FHIT: variants seen among roughly 807,000 people sequenced by gnomAD.
FHIT encodes the protein bis(5'-adenosyl)-triphosphatase.
In FHIT, 19 loss-of-function variants were observed where a neutral mutation model predicts 17.9. The observed-to-expected ratio is 1.06, with a 90% CI of 0.74 to 1.56. The LOEUF (loss-of-function observed/expected upper bound fraction) is 1.56. FHIT is among the 40% of genes most tolerant of loss of function. The pLI, the probability that FHIT is intolerant of heterozygous loss-of-function variation, is 0.00. For synonymous variants in FHIT, 81 were observed against 69.7 expected (o/e 1.16, Z -0.81); for missense variants, 248 against 189.2 (o/e 1.31, Z -1.82).
At chr3:60,085,099 G>C (rs1703441745) in intron 5 of FHIT, among the ~76,000 whole-genome samples, 2 of 152,150 alleles carry the variant, frequency 1.3e-5, no homozygotes, top group East Asian at 3.8e-4. Context: ...TTAGGCAAGT[G>C]ATCCTAGCTG....
At chr3:60,835,001 A>G (rs1050092468) in intron 3 of FHIT, among the ~76,000 whole-genome samples, 1 of 152,046 alleles carries the variant, frequency 6.6e-6, no homozygotes, top group Non-Finnish European at 1.5e-5. Flanking sequence ...TGTGAAATCT[A>G]AGAACTCTTT....
intron 8 of FHIT, among the ~76,000 whole-genome samples, chr3:59,797,309 C>A (rs1450829385): frequency 6.6e-6 from 1 of 151,864 alleles, no homozygotes; most frequent in Non-Finnish European, 1.5e-5. Context: ...GCCTCAGCTT[C>A]CCAAATAGCT....
At chr3:59,807,133 G>GAT (rs1700235341) in intron 8 of FHIT, among the ~76,000 whole-genome samples, 1 of 152,162 alleles carries the variant, frequency 6.6e-6, no homozygotes, top group Non-Finnish European at 1.5e-5. Context: ...CAAAATAAGA[G>GAT]ATATATACAT....
chr3:61,136,968 G>C (rs1490663574), intron 2 of FHIT, among the ~76,000 whole-genome samples: 1 of 152,210 alleles, frequency 6.6e-6, no homozygotes, highest in African/African-American at 2.4e-5. Flanking sequence ...GGTGTCAGGT[G>C]TTAGGATTCT....
intron 4 of FHIT, among the ~76,000 whole-genome samples, chr3:60,789,917 G>A (rs1248608244): frequency 6.6e-6 from 1 of 152,170 alleles, no homozygotes; most frequent in African/African-American, 2.4e-5. Context: ...TGGATGTGAG[G>A]TCACCAAGAA....
At chr3:60,148,782 C>T (rs929260844) in intron 5 of FHIT, among the ~76,000 whole-genome samples, 3 of 152,172 alleles carry the variant, frequency 2.0e-5, no homozygotes, top group Non-Finnish European at 1.5e-5. Flanking sequence ...GAGAAAGACA[C>T]ATTATTTCAA....
rs1468097980 is a variant in FHIT at position 61,043,612 on chromosome 3, C to A, written c.-163-1513G>T. ...TGCAGACTTAAACGTCCCTGTCTGA[C>A]AGCTTTGAAGAGAGCAGTGGTTCTC... On this transcript the variant is annotated intron_variant, in intron 2 of 9. Transcript: ENST00000492590. Among the ~76,000 whole-genome samples the A allele has an allele frequency of 2.0e-5, 3 of 152,224 alleles. No homozygotes were observed. In the East Asian group the frequency reaches 5.8e-4, roughly 29 times the overall value.
At chr3:59,962,648 A>G (rs1199333485) in intron 7 of FHIT, among the ~76,000 whole-genome samples, 1 of 152,172 alleles carries the variant, frequency 6.6e-6, no homozygotes, top group African/African-American at 2.4e-5. Flanking sequence ...CTTCCTTTCC[A>G]TTGTTAAGGA....
intron 2 of FHIT, among the ~76,000 whole-genome samples, chr3:61,163,968 G>A (rs544257686): frequency 6.6e-6 from 1 of 152,116 alleles, no homozygotes; most frequent in African/African-American, 2.4e-5. Context: ...GCGTACATCA[G>A]CAACACAGTA....
intron 5 of FHIT, among the ~76,000 whole-genome samples, chr3:60,207,438 T>C (rs1326402875): frequency 6.6e-6 from 1 of 152,134 alleles, no homozygotes; most frequent in Non-Finnish European, 1.5e-5. Context: ...GTCACTTTTC[T>C]TACTATATCT....
Position 61,195,295 on chromosome 3 carries a change from G to A in FHIT, c.-164+5322C>T, listed in dbSNP as rs116280304. On this transcript the variant is annotated intron_variant, in intron 2 of 9. Transcript: ENST00000492590. ...TTCTCAAAAAAAAAGAAAAAAAAATGGCCAGATGAATTATTACTGAATCAC... is the reference window on the plus strand; with the variant it reads ...TTCTCAAAAAAAAAGAAAAAAAAATAGCCAGATGAATTATTACTGAATCAC... 1.6e-3 allele frequency among the ~76,000 whole-genome samples: 236 copies of A among 151,994 alleles called. 1 individual carries two copies. The highest frequency in any genetic ancestry group is 5.5e-3 in the African/African-American group (227 of 41,480).
intron 5 of FHIT, among the ~76,000 whole-genome samples, chr3:60,388,725 A>T (rs1409291893): frequency 6.6e-6 from 1 of 152,226 alleles, no homozygotes; most frequent in Non-Finnish European, 1.5e-5. Context: ...TTTGTGTGTT[A>T]CTGATGTCTT....
chr3:60,245,822 C>G (rs1260367521), intron 5 of FHIT, among the ~76,000 whole-genome samples: 1 of 151,872 alleles, frequency 6.6e-6, no homozygotes, highest in African/African-American at 2.4e-5. Flanking sequence ...CTATGGTAAG[C>G]ATACAGTGAA....
chr3:60,139,470 A>G (rs1699944710), intron 5 of FHIT, among the ~76,000 whole-genome samples: 1 of 152,128 alleles, frequency 6.6e-6, no homozygotes, highest in Admixed American at 6.5e-5. Context: ...AGGCCAGATG[A>G]TGAAAAGTCT....
chr3:60,442,001 G>A (rs149553845), intron 5 of FHIT, among the ~76,000 whole-genome samples: 1 of 150,442 alleles, frequency 6.6e-6, no homozygotes, highest in African/African-American at 2.4e-5. Context: ...TGGGACTACA[G>A]GTGCATGCTA....
At chr3:60,603,046 G>A (rs2038496366) in intron 4 of FHIT, among the ~76,000 whole-genome samples, 1 of 152,170 alleles carries the variant, frequency 6.6e-6, no homozygotes. Context: ...GACTAGGACA[G>A]CCTGTCAGGG....
intron 5 of FHIT, among the ~76,000 whole-genome samples, chr3:60,160,376 G>A (rs1237391794): frequency 6.6e-6 from 1 of 152,150 alleles, no homozygotes; most frequent in Non-Finnish European, 1.5e-5. Flanking sequence ...GGACTTCCTG[G>A]CTTCCTCATG....
intron 3 of FHIT, among the ~76,000 whole-genome samples, chr3:60,905,601 T>G (rs574391433): frequency 6.6e-6 from 1 of 152,174 alleles, no homozygotes; most frequent in African/African-American, 2.4e-5. Flanking sequence ...ATACAATCAA[T>G]AGTAGTCCTT....
chr3:59,991,811 T>C (rs17061678), intron 7 of FHIT, among the ~76,000 whole-genome samples: 26,594 of 151,980 alleles, frequency 0.17, 2,489 homozygotes, highest in South Asian at 0.28. Flanking sequence ...CCTTTATACC[T>C]AGGCTCATGC....
Sources: allele counts gnomAD v4.1 joint callset (sites outside exome capture counted in the v4.1 genomes callset), GRCh38; gene constraint gnomAD v4.1.1; transcripts MANE v1.5; gene names NCBI Gene and HGNC (gene_info 2026-07-23, HGNC 2026-07-21).